Variants in RANBP17 observed in about 807,000 individuals in gnomAD.
RANBP17 encodes the protein ran-binding protein 17.
RANBP17 carries 158 observed loss-of-function variants against 141.2 expected under a neutral mutation model. That is an observed-to-expected ratio of 1.12 (90% CI 0.98 to 1.28). RANBP17 has a LOEUF of 1.28. Ranked by LOEUF, RANBP17 falls within the 50% of genes most tolerant of loss-of-function variation. The pLI is 0.00. For synonymous variants in RANBP17, 430 were observed against 450.0 expected, an observed-to-expected ratio of 0.96 and a Z score of 0.56; for missense variants, 1,438 against 1,290.7, an observed-to-expected ratio of 1.11 and a Z score of -1.75.
chr5:170,889,652 C>G (rs1019855665), intron 3 of RANBP17, among the ~76,000 whole-genome samples: 12 of 152,182 alleles, frequency 7.9e-5, no homozygotes, highest in African/African-American at 2.9e-4. Context: ...GCTTCATAAA[C>G]ATGAAATATT....
chr5:170,891,290 T>C (rs981583989), intron 3 of RANBP17, among the ~76,000 whole-genome samples: 1 of 152,226 alleles, frequency 6.6e-6, no homozygotes, highest in African/African-American at 2.4e-5. Flanking sequence ...CACTTTACCT[T>C]GGGAAAGACC....
chr5:170,897,959 G>A (rs878862039), intron 5 of RANBP17, among the ~76,000 whole-genome samples: 1 of 152,098 alleles, frequency 6.6e-6, no homozygotes, highest in Non-Finnish European at 1.5e-5. Flanking sequence ...GGTATTTCTG[G>A]TTCTAGATCC....
intron 16 of RANBP17, among the ~76,000 whole-genome samples, chr5:171,182,779 G>A (rs1213886191): frequency 3.1e-5 from 2 of 65,396 alleles, no homozygotes; most frequent in African/African-American, 1.2e-4. Flanking sequence ...TTTTTTGATA[G>A]CCTATTATGG....
In RANBP17 at chr5:171,185,868, T is replaced by G. The variant is rs529298144; in HGVS notation, c.2038+2438T>G. On this transcript the variant is annotated intron_variant, in intron 18 of 27. Transcript: ENST00000523189. ...TGAGTCCTTTCCAGAAGGTTTTCAA[T>G]TTACTTTTCTCAGATTCATCAGAGG... Among the ~76,000 whole-genome samples the G allele has an allele frequency of 2.0e-3, 303 of 152,326 alleles. 1 individual carries two copies. The highest frequency in any genetic ancestry group is 7.0e-3 in the African/African-American group (291 of 41,570).
intron 14 of RANBP17, among the ~76,000 whole-genome samples, chr5:170,975,716 AT>A (rs1777317696): frequency 6.6e-6 from 1 of 152,238 alleles, no homozygotes; most frequent in Non-Finnish European, 1.5e-5. Flanking sequence ...AAACCATCAC[AT>A]TGGAAATTAG....
chr5:170,910,819 G>A, intron 6 of RANBP17, 150 bp from the exon 7 acceptor site: 1 of 691,718 alleles, frequency 1.4e-6, no homozygotes, highest in Non-Finnish European at 2.3e-6. Flanking sequence ...TCTTGAAGAA[G>A]GTAACATTAC....
chr5:171,102,591 T>C (rs1221977325), intron 14 of RANBP17, among the ~76,000 whole-genome samples: 2 of 152,098 alleles, frequency 1.3e-5, no homozygotes, highest in Non-Finnish European at 2.9e-5. Flanking sequence ...GAAGCCTCCT[T>C]CTATCAATTC....
intron 7 of RANBP17, among the ~76,000 whole-genome samples, chr5:170,913,569 A>G (rs913867142): frequency 2.6e-5 from 4 of 152,088 alleles, no homozygotes; most frequent in Admixed American, 2.6e-4. Context: ...GTAAACACAT[A>G]GAATTGATTT....
intron 25 of RANBP17, among the ~76,000 whole-genome samples, chr5:171,285,685 C>T (rs1387811718): frequency 6.6e-6 from 1 of 152,176 alleles, no homozygotes; most frequent in Non-Finnish European, 1.5e-5. Flanking sequence ...TGATTTACTA[C>T]TCGTAAAAAG....
At chr5:170,874,770 A>G (rs1483597228) in intron 1 of RANBP17, among the ~76,000 whole-genome samples, 7 of 151,206 alleles carry the variant, frequency 4.6e-5, no homozygotes, top group African/African-American at 1.7e-4. Flanking sequence ...ATGGGACTTG[A>G]CTCTTTGTCC....
intron 14 of RANBP17, among the ~76,000 whole-genome samples, chr5:170,983,690 T>G (rs924553416): frequency 1.3e-5 from 2 of 152,230 alleles, no homozygotes; most frequent in African/African-American, 4.8e-5. Context: ...TGTTTTACTT[T>G]TTAAATCATG....
rs537080132 is a variant in RANBP17, at chr5:171,218,591, G to A, written c.2340-3167G>A. Among the ~76,000 whole-genome samples the A allele has an allele frequency of 2.6e-5, 4 of 152,160 alleles. No homozygotes were observed. In the South Asian group the frequency reaches 8.3e-4, roughly 32 times the overall value. On this transcript the variant is annotated intron_variant, in intron 21 of 27. Transcript: ENST00000523189. Reference sequence around the variant, plus strand: ...AGGTGCTCCTGTATTGGGTGCTCCTGTATTGGGTGCATGTATATTTACGTT... The same window carrying A: ...AGGTGCTCCTGTATTGGGTGCTCCTATATTGGGTGCATGTATATTTACGTT...
At position 170,862,021 on chromosome 5, in the gene RANBP17, G is replaced by T; in HGVS notation, c.-13G>T. On this transcript the variant is annotated 5_prime_UTR_variant, in exon 1 of 28. Coordinates refer to ENST00000523189, the MANE Select transcript of RANBP17 (RefSeq NM_022897.5). Reference sequence around the variant, plus strand: ...GCCGACCGGCCGGCTGGCCGGCGCCGCCTCCTGGGAAGATGGCGCTGCACT... The same window carrying T: ...GCCGACCGGCCGGCTGGCCGGCGCCTCCTCCTGGGAAGATGGCGCTGCACT... The T allele has an allele frequency of 6.9e-7, 1 of 1,457,198 alleles. No individual in the cohort carries two copies. The highest frequency in any genetic ancestry group is 9.0e-7 in the Non-Finnish European group (1 of 1,111,496). 90.3% of individuals were successfully genotyped at this position (1,457,198 alleles called of 1,614,324 possible).
At chr5:171,035,004 G>A (rs1781779596) in intron 14 of RANBP17, among the ~76,000 whole-genome samples, 1 of 151,760 alleles carries the variant, frequency 6.6e-6, no homozygotes, top group African/African-American at 2.4e-5. Flanking sequence ...TTCTTAATAG[G>A]TTGGACATAT....
At chr5:171,019,794 G>A (rs1250827867) in intron 14 of RANBP17, among the ~76,000 whole-genome samples, 1 of 151,756 alleles carries the variant, frequency 6.6e-6, no homozygotes, top group East Asian at 1.9e-4. Flanking sequence ...TCTGGTCTTA[G>A]TTATTTCTTG....
chr5:170,895,981 A>G, intron 4 of RANBP17, 69 bp from the exon 5 acceptor site: 1 of 739,690 alleles, frequency 1.4e-6, no homozygotes, highest in South Asian at 2.9e-5. Flanking sequence ...TGTAAATGTT[A>G]CCTGGTATAT....
intron 14 of RANBP17, among the ~76,000 whole-genome samples, chr5:170,993,600 T>A (rs905099795): frequency 1.3e-5 from 2 of 152,054 alleles, no homozygotes; most frequent in African/African-American, 4.8e-5. Context: ...GTACCTATGT[T>A]TTAGGAAAGT....
intron 9 of RANBP17, among the ~76,000 whole-genome samples, chr5:170,916,952 A>G (rs1772027648): frequency 6.6e-6 from 1 of 151,946 alleles, no homozygotes; most frequent in Admixed American, 6.6e-5. Flanking sequence ...CTGACCTCAA[A>G]TGATCCACCT....
At chr5:171,063,639 G>A (rs961655906) in intron 14 of RANBP17, among the ~76,000 whole-genome samples, 1 of 152,214 alleles carries the variant, frequency 6.6e-6, no homozygotes, top group Non-Finnish European at 1.5e-5. Context: ...GAGGCAGTCT[G>A]CCCGTTCTCA....
Sources: allele counts gnomAD v4.1 joint callset (sites outside exome capture counted in the v4.1 genomes callset), GRCh38; gene constraint gnomAD v4.1.1; transcripts MANE v1.5; gene names NCBI Gene and HGNC (gene_info 2026-07-23, HGNC 2026-07-21).